The following HYDIN variants were observed in gnomAD, a reference collection of about 807,000 sequenced individuals.
The protein encoded by HYDIN is axonemal central pair apparatus protein HYDIN.
HYDIN carries 132 observed loss-of-function variants against 403.9 expected under a neutral mutation model. The ratio of observed to expected loss-of-function variants is 0.33; its 90% CI spans 0.28 to 0.38. HYDIN has a LOEUF of 0.38. Ranked by LOEUF, HYDIN falls within the 10% of genes least tolerant of loss-of-function variation. HYDIN has a pLI of 1.00. For missense variants in HYDIN, 2,827 were observed against 5,009.5 expected, an observed-to-expected ratio of 0.56 and a Z score of 13.15; for synonymous variants, 1,202 against 1,891.7, an observed-to-expected ratio of 0.64 and a Z score of 9.46.
chr16:70,945,725 C>A (rs1055138731), intron 41 of HYDIN, among the ~76,000 whole-genome samples: 1 of 152,104 alleles, frequency 6.6e-6, no homozygotes, highest in Non-Finnish European at 1.5e-5. Context: ...ACGAAGAAAG[C>A]GTTTCCAAGA....
chr16:70,820,892 G>A (rs923489560), intron 83 of HYDIN, among the ~76,000 whole-genome samples: 8 of 152,148 alleles, frequency 5.3e-5, no homozygotes, highest in African/African-American at 7.2e-5. Context: ...CAAGTGATCC[G>A]TCTGCCTCAG....
intron 5 of HYDIN, among the ~76,000 whole-genome samples, chr16:71,163,183 C>T (rs1200674075): frequency 2.1e-5 from 3 of 142,984 alleles, no homozygotes; most frequent in Admixed American, 1.5e-4. Context: ...AGTGCAGTGG[C>T]GCAATCTCTG....
intron 10 of HYDIN, among the ~76,000 whole-genome samples, chr16:71,106,168 CCTCT>C (rs10549453): frequency 1.0e-4 from 15 of 144,704 alleles, no homozygotes; most frequent in African/African-American, 2.5e-4. Flanking sequence ...TCCCTCCCTC[CCTCT>C]CTCTCTCTCT....
chr16:71,061,603 T>C lies in HYDIN; in HGVS notation c.2376+566A>G, dbSNP rs1158035046. ...TCTCTTAACAGCTTGAGTAGGCTGA[T>C]GGCACATTAGCTTGAGTAGGCTAAT... On this transcript the variant is annotated intron_variant, in intron 17 of 85. Transcript: ENST00000393567. Among the ~76,000 whole-genome samples, 5 of 152,170 alleles carry C rather than the reference T, an allele frequency of 3.3e-5. No homozygotes were observed. In the East Asian group the frequency reaches 9.7e-4, roughly 30 times the overall value.
chr16:71,065,095 T>A (rs1240865404), intron 15 of HYDIN, among the ~76,000 whole-genome samples: 4 of 152,216 alleles, frequency 2.6e-5, no homozygotes, highest in African/African-American at 9.6e-5. Flanking sequence ...CACATTTCCA[T>A]TGTTTTATAT....
intron 1 of HYDIN, among the ~76,000 whole-genome samples, chr16:71,193,620 TA>T (rs1233008998): frequency 6.6e-6 from 1 of 152,186 alleles, no homozygotes; most frequent in Non-Finnish European, 1.5e-5. Context: ...TAGGAACTCA[TA>T]AGGAGCTGAG....
At chr16:71,220,621 T>C (rs1023122110) in intron 1 of HYDIN, among the ~76,000 whole-genome samples, 1 of 152,214 alleles carries the variant, frequency 6.6e-6, no homozygotes, top group East Asian at 1.9e-4. Context: ...AGCGAATACA[T>C]CCAGGTTTCA....
At chr16:70,950,706 A>C (rs1436973780) in intron 41 of HYDIN, among the ~76,000 whole-genome samples, 1 of 149,466 alleles carries the variant, frequency 6.7e-6, no homozygotes, top group African/African-American at 2.5e-5. Context: ...TGCTCCATCC[A>C]CCTCCCCCAC....
At chr16:70,867,820 G>T (rs2039848272) in intron 66 of HYDIN, among the ~76,000 whole-genome samples, 1 of 144,998 alleles carries the variant, frequency 6.9e-6, no homozygotes, top group Middle Eastern at 3.4e-3. Context: ...GGGACTATAG[G>T]CATGCACCAT....
intron 83 of HYDIN, among the ~76,000 whole-genome samples, chr16:70,820,187 CTTTTTTTTTTTTTTT>C (rs57769826): frequency 5.4e-5 from 5 of 91,816 alleles, no homozygotes; most frequent in Non-Finnish European, 1.1e-4. Context: ...TTTCTTTTTT[CTTTTTTTTTTTTTTT>C]TTTTTTGAGA....
At chr16:71,157,193 T>C (rs1337412980) in intron 6 of HYDIN, among the ~76,000 whole-genome samples, 1 of 151,672 alleles carries the variant, frequency 6.6e-6, no homozygotes, top group East Asian at 1.9e-4. Flanking sequence ...AAGAAAGTTT[T>C]AGTTTTTGTG....
intron 7 of HYDIN, among the ~76,000 whole-genome samples, chr16:71,139,747 A>G (rs2085096091): frequency 6.6e-6 from 1 of 152,144 alleles, no homozygotes; most frequent in Non-Finnish European, 1.5e-5. Flanking sequence ...GATACAAGGA[A>G]GATAAAGTTA....
At chr16:70,916,362 T>G (rs2143800561) in intron 47 of HYDIN, among the ~76,000 whole-genome samples, 1 of 152,276 alleles carries the variant, frequency 6.6e-6, no homozygotes, top group South Asian at 2.1e-4. Flanking sequence ...CTCTCTAAAT[T>G]GACTCAGCTC....
intron 41 of HYDIN, among the ~76,000 whole-genome samples, chr16:70,949,483 CA>C (rs1027716984): frequency 1.3e-5 from 2 of 151,942 alleles, no homozygotes; most frequent in Admixed American, 6.6e-5. Context: ...AAACAAGAAA[CA>C]AAAAAACCCA....
chr16:71,124,285 G>C (rs561609057), intron 9 of HYDIN, among the ~76,000 whole-genome samples: 1 of 152,358 alleles, frequency 6.6e-6, no homozygotes, highest in African/African-American at 2.4e-5. Context: ...GTTGGCAGGT[G>C]GTAAGACAGA....
chr16:70,877,213 G>A (rs1289817892), intron 62 of HYDIN, among the ~76,000 whole-genome samples: 1 of 148,134 alleles, frequency 6.8e-6, no homozygotes, highest in Non-Finnish European at 1.5e-5. Flanking sequence ...AAGATATAGT[G>A]AGAAGGTCTT....
chr16:70,820,225 C>CT (rs1374728941), intron 83 of HYDIN, among the ~76,000 whole-genome samples: 2 of 111,082 alleles, frequency 1.8e-5, no homozygotes. Flanking sequence ...GAGTCTCGCT[C>CT]TGTCGCCCAG....
At position 70,966,287 on chromosome 16, in the gene HYDIN, G is replaced by T. The variant is rs565415234; in HGVS notation, c.5620-1391C>A. ...TTTCCACAGAGCCTGACTCTTGATA[G>T]AAGGTGCTGTGCCAACAGAAGCCAC... On this transcript the variant is annotated intron_variant, in intron 36 of 85. Transcript: ENST00000393567. 3.8e-3 allele frequency among the ~76,000 whole-genome samples: 576 copies of T among 151,718 alleles called. 4 individuals are homozygous for T. The highest frequency in any genetic ancestry group is 0.013 in the African/African-American group (534 of 41,312).
intron 23 of HYDIN, among the ~76,000 whole-genome samples, chr16:71,012,716 A>G (rs560129856): frequency 1.3e-5 from 2 of 152,364 alleles, no homozygotes; most frequent in Non-Finnish European, 2.9e-5. Flanking sequence ...TGTAAGGCTT[A>G]GAAGAATCCT....
Sources: gnomAD v4.1 joint callset for allele counts (sites outside exome capture counted in the v4.1 genomes callset) on GRCh38, gnomAD v4.1.1 for gene constraint, MANE v1.5 for transcripts, NCBI Gene and HGNC (gene_info 2026-07-23, HGNC 2026-07-21) for gene names.